The following STAM2 variants were observed in gnomAD, a reference collection of about 807,000 sequenced individuals.
STAM2 encodes the protein signal transducing adapter molecule 2.
STAM2 carries 51 observed loss-of-function variants against 65.6 expected under a neutral mutation model. That is an observed-to-expected ratio of 0.78 (90% CI 0.62 to 0.98). The LOEUF is 0.98. Among genes scored for constraint, STAM2 ranks in the 50% least tolerant of loss-of-function variants. The pLI is 0.00. For synonymous variants in STAM2, 198 were observed against 208.4 expected (o/e 0.95, Z 0.43); for missense variants, 584 against 617.8 (o/e 0.95, Z 0.58).
Position 152,122,063 on chromosome 2 carries a change from T to A in STAM2, c.1350-1261A>T, listed in dbSNP as rs976491425. Reference sequence around the variant, plus strand: ...ACTCCGTCCCCAAAAAAAAAATATATATATATATATATATGTGTGTGTGTG... The same window carrying A: ...ACTCCGTCCCCAAAAAAAAAATATAAATATATATATATATGTGTGTGTGTG... On this transcript the variant is annotated intron_variant, in intron 13 of 13. Transcript: ENST00000263904. Among the ~76,000 whole-genome samples the A allele has an allele frequency of 4.4e-3, 596 of 135,002 alleles. 4 individuals are homozygous for A. Among genetic ancestry groups the A allele is most frequent in the Non-Finnish European group, 6.3e-3 (396 of 62,438 alleles). The allele number at this position is 135,002 out of a possible 152,430, so 88.6% of individuals were successfully genotyped here.
intron 1 of STAM2, among the ~76,000 whole-genome samples, chr2:152,161,718 C>T (rs1180744485): frequency 6.6e-6 from 1 of 152,192 alleles, no homozygotes; most frequent in East Asian, 1.9e-4. Flanking sequence ...AATTTTCCAC[C>T]CCATTTAATG....
At chr2:152,126,044 ATCTG>A in intron 12 of STAM2, 178 bp downstream of exon 12, 2 of 459,476 alleles carry the variant, frequency 4.4e-6, no homozygotes, top group South Asian at 5.5e-5. Flanking sequence ...AAATATCAGT[ATCTG>A]TCTAATTTGC....
intron 12 of STAM2, 86 bp downstream of exon 12, chr2:152,126,140 A>G: frequency 2.7e-6 from 3 of 1,103,304 alleles, no homozygotes; most frequent in Non-Finnish European, 2.4e-6. Flanking sequence ...AGACAAAAGA[A>G]ATCTTAATAC....
Position 152,119,403 on chromosome 2 carries a change from T to C in STAM2, c.*1171A>G, listed in dbSNP as rs1311481954. The C allele has an allele frequency of 2.6e-5, 4 of 152,226 alleles. No individual in the cohort carries two copies. The highest frequency in any genetic ancestry group is 2.1e-4 in the South Asian group (1 of 4,838). 9.4% of individuals were successfully genotyped at this position (152,226 alleles called of 1,614,324 possible). A position where few individuals can be genotyped will look rare whatever the true frequency, so the allele number is the denominator to read the frequency against. On this transcript the variant is annotated 3_prime_UTR_variant, in exon 14 of 14. Transcript: ENST00000263904. ...CTTCTATGAAGTCTTCACCTGCTAT[T>C]ATTCCACAGGCTGAGAATTACTTCT...
chr2:152,138,022 T>C (rs1689187062), intron 7 of STAM2, among the ~76,000 whole-genome samples: 2 of 152,138 alleles, frequency 1.3e-5, no homozygotes, highest in South Asian at 4.1e-4. Context: ...AAATACCCTT[T>C]CTATGTTACT....
At chr2:152,152,113 G>A (rs1186857510) in intron 1 of STAM2, among the ~76,000 whole-genome samples, 1 of 152,076 alleles carries the variant, frequency 6.6e-6, no homozygotes, top group Non-Finnish European at 1.5e-5. Context: ...ACTAAGTTTC[G>A]TATTTTTTGT....
chr2:152,135,131 C>G (rs1473703765), intron 8 of STAM2, among the ~76,000 whole-genome samples: 3 of 152,326 alleles, frequency 2.0e-5, no homozygotes, highest in Non-Finnish European at 2.9e-5. Flanking sequence ...ACAACCTCCC[C>G]ACACCACTCC....
chr2:152,166,667 T>C (rs1038709809), intron 1 of STAM2, among the ~76,000 whole-genome samples: 1 of 151,942 alleles, frequency 6.6e-6, no homozygotes, highest in Non-Finnish European at 1.5e-5. Context: ...AAGGTATTAA[T>C]GTTTGAAAAA....
intron 1 of STAM2, among the ~76,000 whole-genome samples, chr2:152,163,013 T>C (rs1391949256): frequency 5.3e-5 from 8 of 152,296 alleles, no homozygotes; most frequent in East Asian, 3.9e-4. Context: ...AGCAATAAAA[T>C]AGATTTCAAT....
intron 11 of STAM2, among the ~76,000 whole-genome samples, chr2:152,128,503 G>A (rs144125973): frequency 1.4e-4 from 22 of 152,076 alleles, no homozygotes; most frequent in Admixed American, 6.5e-4. Flanking sequence ...AAATGTAACC[G>A]TAGGAATTTG....
intron 1 of STAM2, among the ~76,000 whole-genome samples, chr2:152,172,098 T>C (rs1006294419): frequency 6.6e-6 from 1 of 152,196 alleles, no homozygotes; most frequent in Non-Finnish European, 1.5e-5. Flanking sequence ...CCTCTAACAC[T>C]TGAGGCCCAG....
intron 1 of STAM2, among the ~76,000 whole-genome samples, chr2:152,168,323 C>T (rs1579337823): frequency 6.6e-6 from 1 of 152,160 alleles, no homozygotes; most frequent in East Asian, 1.9e-4. Context: ...ACATGTCCGG[C>T]TAATTTTTGT....
chr2:152,119,588 A>T lies in STAM2; in HGVS notation c.*986T>A, dbSNP rs1688811919. 1 of 152,202 alleles carries T rather than the reference A, an allele frequency of 6.6e-6. No individual in the cohort carries two copies. Among genetic ancestry groups the T allele is most frequent in the Non-Finnish European group, 1.5e-5 (1 of 68,030 alleles). 9.4% of individuals were successfully genotyped at this position (152,202 alleles called of 1,614,324 possible). On this transcript the variant is annotated 3_prime_UTR_variant, in exon 14 of 14. Transcript: ENST00000263904. ...TTATTAGGAATGTCTCATGGTTCAA[A>T]TTCACACGCAATCCCATAAAAAGGA... is the stretch of plus-strand genomic sequence containing the variant.
At chr2:152,126,460 C>T in intron 11 of STAM2, 81 bp from the exon 12 acceptor site, 1 of 888,756 alleles carries the variant, frequency 1.1e-6, no homozygotes, top group East Asian at 3.3e-5. Context: ...TTTAATTTAG[C>T]ACAATTTCTA....
At chr2:152,127,196 A>G (rs116752189) in intron 11 of STAM2, among the ~76,000 whole-genome samples, 2,873 of 151,778 alleles carry the variant, frequency 0.019, 100 homozygotes, top group African/African-American at 0.064. Context: ...TGTTGCTTCC[A>G]TCTTTCTTTG....
intron 1 of STAM2, among the ~76,000 whole-genome samples, chr2:152,156,536 G>A (rs957935972): frequency 2.6e-5 from 4 of 152,096 alleles, no homozygotes; most frequent in Non-Finnish European, 4.4e-5. Flanking sequence ...ATGCTAAATC[G>A]CCGGCATTTG....
intron 11 of STAM2, among the ~76,000 whole-genome samples, chr2:152,127,085 C>G (rs578165385): frequency 6.6e-6 from 1 of 152,254 alleles, no homozygotes; most frequent in East Asian, 1.9e-4. Context: ...GTACTTGGAC[C>G]CAAGAAGATT....
Position 152,148,231 on chromosome 2 carries a change from T to C in STAM2, c.195A>G (p.Ala65=), listed in dbSNP as rs766659286. The change falls in exon 3 of 14, where the codon GCA becomes GCG. Residue 65 remains alanine (A), a synonymous_variant. Transcript: ENST00000263904. ...TAACATGCCTTGTACTCACAGTTAG[T>C]GCTTGCAGAGCAACATGTGGAACCT... is the stretch of plus-strand genomic sequence containing the variant. ...NHKVPHVALQ[A]LTLLGACVAN... The C allele has an allele frequency of 6.2e-7, 1 of 1,610,892 alleles. No homozygotes were observed. Among genetic ancestry groups the C allele is most frequent in the Non-Finnish European group, 8.5e-7 (1 of 1,178,674 alleles).
chr2:152,141,138 C>CAAA (rs72256027), intron 7 of STAM2, among the ~76,000 whole-genome samples: 3 of 109,620 alleles, frequency 2.7e-5, no homozygotes, highest in African/African-American at 1.1e-4. Context: ...GACCCTGTCT[C>CAAA]AAAAAAAAAA....
Sources: allele counts gnomAD v4.1 joint callset (sites outside exome capture counted in the v4.1 genomes callset), GRCh38; gene constraint gnomAD v4.1.1; transcripts MANE v1.5; gene names NCBI Gene and HGNC (gene_info 2026-07-23, HGNC 2026-07-21).